Variants in KCNK10 observed in about 807,000 individuals in gnomAD.
KCNK10 encodes potassium channel subfamily K member 10.
In KCNK10, 25 loss-of-function variants were observed where a neutral mutation model predicts 47.7. That is an observed-to-expected ratio of 0.52 (90% CI 0.38 to 0.73). The LOEUF is 0.73. Ranked by LOEUF, KCNK10 falls within the 30% of genes least tolerant of loss-of-function variation. The pLI is 0.00. For missense variants in KCNK10, 563 were observed against 714.5 expected (o/e 0.79, Z 2.42); for synonymous variants, 303 against 285.6 (o/e 1.06, Z -0.61).
intron 4 of KCNK10, among the ~76,000 whole-genome samples, chr14:88,211,807 A>G (rs1418186370): frequency 6.6e-6 from 1 of 151,670 alleles, no homozygotes; most frequent in Admixed American, 6.6e-5. Context: ...GAGGCAGGAG[A>G]ATTGCTTGAA....
intron 4 of KCNK10, among the ~76,000 whole-genome samples, chr14:88,214,815 A>G (rs1885568599): frequency 6.6e-6 from 1 of 152,254 alleles, no homozygotes; most frequent in Non-Finnish European, 1.5e-5. Flanking sequence ...AGATGAAGAC[A>G]GGCCCAATAT....
At chr14:88,305,284 C>T (rs939077479) in intron 1 of KCNK10, among the ~76,000 whole-genome samples, 1 of 152,030 alleles carries the variant, frequency 6.6e-6, no homozygotes, top group Non-Finnish European at 1.5e-5. Flanking sequence ...CTAAAAGCAA[C>T]GGTTCACTAT....
chr14:88,291,001 T>C (rs937778296), intron 1 of KCNK10, among the ~76,000 whole-genome samples: 1 of 152,224 alleles, frequency 6.6e-6, no homozygotes, highest in Admixed American at 6.5e-5. Flanking sequence ...TAGGGCAGCC[T>C]GACAGGTGGT....
intron 1 of KCNK10, among the ~76,000 whole-genome samples, chr14:88,278,774 T>C (rs1456857095): frequency 2.0e-5 from 3 of 152,186 alleles, no homozygotes; most frequent in Non-Finnish European, 1.5e-5. Context: ...GAAACAGTCT[T>C]GTGGTTATGT....
chr14:88,237,368 C>T lies in KCNK10; in HGVS notation c.520+3335G>A, dbSNP rs61390052. ...CATCCATGAGCCTTGGAATCAACTTCTTCCAAACTCTTGTTAATGTTGGTA... is the reference window on the plus strand; with the variant it reads ...CATCCATGAGCCTTGGAATCAACTTTTTCCAAACTCTTGTTAATGTTGGTA... On this transcript the variant is annotated intron_variant, in intron 3 of 6. Coordinates refer to ENST00000319231, the MANE Select transcript of KCNK10 (RefSeq NM_138317.3). Among the ~76,000 whole-genome samples the T allele has an allele frequency of 3.3e-3, 502 of 152,326 alleles. 2 individuals carry two copies. The highest frequency in any genetic ancestry group is 0.011 in the African/African-American group (465 of 41,582).
chr14:88,278,832 T>C lies in KCNK10; in HGVS notation c.53-15281A>G, dbSNP rs532272923. On this transcript the variant is annotated intron_variant, in intron 1 of 6. Transcript: ENST00000319231. Reference sequence around the variant, plus strand: ...GGAGAAACAAAGGCATAAAAACTGGTATAACCAATTAAAGTAGCAGATGAT... The same window carrying C: ...GGAGAAACAAAGGCATAAAAACTGGCATAACCAATTAAAGTAGCAGATGAT... 3.3e-5 allele frequency among the ~76,000 whole-genome samples: 5 copies of C among 152,284 alleles called. No homozygotes were observed. The South Asian group carries it at 8.3e-4, about 25-fold the overall frequency.
intron 1 of KCNK10, among the ~76,000 whole-genome samples, chr14:88,281,769 CAT>C (rs1887656642): frequency 6.7e-6 from 1 of 150,304 alleles, no homozygotes; most frequent in Non-Finnish European, 1.5e-5. Flanking sequence ...CACACACACA[CAT>C]ACATATGTAC....
At chr14:88,293,768 T>C (rs1162326093) in intron 1 of KCNK10, among the ~76,000 whole-genome samples, 1 of 152,022 alleles carries the variant, frequency 6.6e-6, no homozygotes, top group Non-Finnish European at 1.5e-5. Flanking sequence ...TTTGAACTCC[T>C]GGGCTGAAGC....
intron 2 of KCNK10, among the ~76,000 whole-genome samples, chr14:88,245,547 C>A (rs1359958993): frequency 6.6e-6 from 1 of 152,160 alleles, no homozygotes; most frequent in African/African-American, 2.4e-5. Context: ...GCGTGCGATA[C>A]CATCATGAGC....
chr14:88,272,336 T>TG (rs1292640556), intron 1 of KCNK10, among the ~76,000 whole-genome samples: 1 of 151,792 alleles, frequency 6.6e-6, no homozygotes, highest in Admixed American at 6.6e-5. Context: ...GACAGAGGTG[T>TG]GGGGGACAGA....
In KCNK10 at chr14:88,316,543, AACAGGGTG is replaced by A. The variant is rs1826472009; in HGVS notation, c.52+6196_52+6203del. ...AGAAATCACCCAGGTGGGTGGAACC[AACAGGGTG>A]ACCACACTCCTAGTGCCATGGTTAG... On this transcript the variant is annotated intron_variant, in intron 1 of 6. Transcript: ENST00000319231. Among the ~76,000 whole-genome samples the A allele has an allele frequency of 2.0e-5, 3 of 152,316 alleles. No individual in the cohort carries two copies. The South Asian group carries it at 6.2e-4, about 32-fold the overall frequency.
intron 1 of KCNK10, among the ~76,000 whole-genome samples, chr14:88,292,482 T>G (rs1339319060): frequency 1.3e-5 from 2 of 151,992 alleles, no homozygotes; most frequent in Non-Finnish European, 2.9e-5. Context: ...CCTGAGTATC[T>G]GGGATTATAG....
chr14:88,309,138 T>G (rs759083777), intron 1 of KCNK10, among the ~76,000 whole-genome samples: 4 of 152,230 alleles, frequency 2.6e-5, no homozygotes, highest in Non-Finnish European at 5.9e-5. Context: ...AAATATTCAC[T>G]GAAGAAATGG....
At chr14:88,202,243 C>T (rs964760306) in intron 4 of KCNK10, among the ~76,000 whole-genome samples, 11 of 152,312 alleles carry the variant, frequency 7.2e-5, no homozygotes, top group Admixed American at 2.6e-4. Flanking sequence ...TGCCATAGGT[C>T]GCCCAAGCCA....
chr14:88,229,785 A>C (rs910191359), intron 3 of KCNK10, among the ~76,000 whole-genome samples: 1 of 152,098 alleles, frequency 6.6e-6, no homozygotes, highest in Non-Finnish European at 1.5e-5. Context: ...CTCTGGGAAA[A>C]TTCCAGCACT....
intron 1 of KCNK10, 92 bp from the exon 2 acceptor site, chr14:88,263,643 G>C: frequency 3.4e-6 from 4 of 1,161,574 alleles, no homozygotes; most frequent in South Asian, 1.6e-5. Context: ...TGTCTTCTTT[G>C]AGCCAGCTTT....
At chr14:88,278,047 C>A (rs1259474631) in intron 1 of KCNK10, among the ~76,000 whole-genome samples, 1 of 152,112 alleles carries the variant, frequency 6.6e-6, no homozygotes, top group East Asian at 1.9e-4. Flanking sequence ...CTTCAGGCAT[C>A]GGAGGCACCA....
At chr14:88,254,307 T>C (rs1430811600) in intron 2 of KCNK10, among the ~76,000 whole-genome samples, 1 of 151,416 alleles carries the variant, frequency 6.6e-6, no homozygotes, top group Admixed American at 6.6e-5. Context: ...CCCCTGTCGT[T>C]TGCTTTATGG....
intron 1 of KCNK10, among the ~76,000 whole-genome samples, chr14:88,268,671 G>C (rs1887333489): frequency 6.6e-6 from 1 of 152,148 alleles, no homozygotes; most frequent in Non-Finnish European, 1.5e-5. Flanking sequence ...GACTACTTCA[G>C]TTTCCAAACA....
Sources: allele counts gnomAD v4.1 joint callset (sites outside exome capture counted in the v4.1 genomes callset), GRCh38; gene constraint gnomAD v4.1.1; transcripts MANE v1.5; gene names NCBI Gene and HGNC (gene_info 2026-07-23, HGNC 2026-07-21).